C12orf56: variants seen among roughly 807,000 people sequenced by gnomAD.
C12orf56 encodes the protein chromosome 12 open reading frame 56, also known as uncharacterized protein C12orf56.
In C12orf56, 71 loss-of-function variants were observed where a neutral mutation model predicts 69.9. That is an observed-to-expected ratio of 1.02 (90% CI 0.84 to 1.24). The LOEUF is 1.24. Among genes scored for constraint, C12orf56 ranks in the 50% most tolerant of loss-of-function variants. The pLI, the probability that C12orf56 is intolerant of heterozygous loss-of-function variation, is 0.00. For missense variants in C12orf56, 732 were observed against 738.5 expected (o/e 0.99, Z 0.10); for synonymous variants, 276 against 274.1 (o/e 1.01, Z -0.07).
chr12:64,384,944 C>A (rs968611720), intron 1 of C12orf56, among the ~76,000 whole-genome samples: 6 of 151,758 alleles, frequency 4.0e-5, no homozygotes, highest in Non-Finnish European at 8.8e-5. Context: ...ATCCCAGCTA[C>A]CCGAGAGGCT....
chr12:64,318,247 C>G lies in C12orf56; in HGVS notation c.894+328G>C, dbSNP rs117050557. ...GGCTAATTTTTGTATTTTTTAGTAG[C>G]GACAAGGGTTTCACCATCTTGGCCA... is the stretch of plus-strand genomic sequence containing the variant. On this transcript the variant is annotated intron_variant, in intron 4 of 12. Transcript: ENST00000543942. 2.0e-4 allele frequency among the ~76,000 whole-genome samples: 30 copies of G among 151,954 alleles called. No individual in the cohort carries two copies. In the East Asian group the frequency reaches 5.4e-3, roughly 28 times the overall value.
intron 2 of C12orf56, among the ~76,000 whole-genome samples, chr12:64,342,656 T>C (rs1364066892): frequency 6.6e-6 from 1 of 152,214 alleles, no homozygotes; most frequent in Non-Finnish European, 1.5e-5. Flanking sequence ...ACTTTATGGC[T>C]AGATGTGTCA....
At chr12:64,338,207 A>G in intron 2 of C12orf56, 1 of 579,434 alleles carries the variant, frequency 1.7e-6, no homozygotes, top group Non-Finnish European at 3.4e-6. Context: ...TTTGCCCTGA[A>G]CAAGCCCCCC....
chr12:64,319,787 G>A (rs913764228), intron 3 of C12orf56, among the ~76,000 whole-genome samples: 9 of 152,344 alleles, frequency 5.9e-5, no homozygotes, highest in Non-Finnish European at 8.8e-5. Context: ...TCGCCTGAGA[G>A]CACAGTGGGA....
chr12:64,350,858 T>C (rs1212864515), intron 2 of C12orf56, among the ~76,000 whole-genome samples: 1 of 152,212 alleles, frequency 6.6e-6, no homozygotes, highest in East Asian at 1.9e-4. Flanking sequence ...AAAGTCTATT[T>C]TGCAAACAAC....
intron 6 of C12orf56, among the ~76,000 whole-genome samples, chr12:64,302,714 G>A (rs922481337): frequency 6.6e-6 from 1 of 152,162 alleles, no homozygotes; most frequent in Non-Finnish European, 1.5e-5. Flanking sequence ...TGAGGTGTCT[G>A]TAATTTACTG....
At chr12:64,323,750 A>G (rs1276720340) in intron 3 of C12orf56, among the ~76,000 whole-genome samples, 2 of 152,278 alleles carry the variant, frequency 1.3e-5, no homozygotes, top group Non-Finnish European at 1.5e-5. Context: ...GGCTCAAACA[A>G]TCTACCCACC....
chr12:64,289,125 G>A lies in C12orf56; in HGVS notation c.1114-3065C>T, dbSNP rs1293953172. Among the ~76,000 whole-genome samples the A allele has an allele frequency of 5.3e-5, 7 of 131,458 alleles. No individual in the cohort carries two copies. The East Asian group carries it at 1.3e-3, about 24-fold the overall frequency. The allele number at this position is 131,458 out of a possible 152,430, so 86.2% of individuals were successfully genotyped here. On this transcript the variant is annotated intron_variant, in intron 6 of 12. Coordinates refer to ENST00000543942, the MANE Select transcript of C12orf56 (RefSeq NM_001170633.2). ...CTCTTTGCAGCAATTGTGAATGGGA[G>A]TTCACTCATGATTTGGCTCTCTGTT...
rs1176502511 is a variant in C12orf56 at position 64,312,333 on chromosome 12, A to G, written c.968+346T>C. Among the ~76,000 whole-genome samples the G allele has an allele frequency of 5.3e-5, 8 of 152,174 alleles. No individual in the cohort carries two copies. The East Asian group carries it at 1.5e-3, about 29-fold the overall frequency. On this transcript the variant is annotated intron_variant, in intron 5 of 12. Coordinates refer to ENST00000543942, the MANE Select transcript of C12orf56 (RefSeq NM_001170633.2). ...TTAGGGGAGGCAAAGAGGGCCGGGC[A>G]CGGTGGCTCGCACATGCAATCCCAG...
chr12:64,270,693 C>A lies in C12orf56; in HGVS notation c.1606G>T (p.Val536Leu). 6.2e-7 allele frequency: 1 copy of A among 1,608,634 alleles called. No individual in the cohort carries two copies. Among genetic ancestry groups the A allele is most frequent in the Non-Finnish European group, 8.5e-7 (1 of 1,178,400 alleles). Residue 536 changes from valine to leucine, a missense_variant, in exon 12 of 13, where the codon GTG becomes TTG. Transcript: ENST00000543942. ...GAAAGACCCCTCACCACTTGTTTCA[C>A]AATACTGGCCACAAAAGTAATCTAG... ...PPIITFVASI[V>L]KQVVRGLSAS...
intron 1 of C12orf56, among the ~76,000 whole-genome samples, chr12:64,365,921 T>C (rs2039467576): frequency 7.5e-6 from 1 of 133,028 alleles, no homozygotes; most frequent in South Asian, 2.2e-4. Context: ...AGTGTATATA[T>C]TATATATTAT....
At chr12:64,314,812 T>G (rs895316175) in intron 4 of C12orf56, among the ~76,000 whole-genome samples, 5 of 151,488 alleles carry the variant, frequency 3.3e-5, no homozygotes, top group African/African-American at 1.2e-4. Flanking sequence ...TTTTTTCTAT[T>G]TTTTAGTAGA....
At chr12:64,374,787 G>T (rs2039619308) in intron 1 of C12orf56, among the ~76,000 whole-genome samples, 1 of 151,994 alleles carries the variant, frequency 6.6e-6, no homozygotes, top group Non-Finnish European at 1.5e-5. Context: ...CAGGTGATCT[G>T]CCTACCTTGG....
intron 2 of C12orf56, among the ~76,000 whole-genome samples, chr12:64,341,976 C>A (rs776142854): frequency 6.6e-6 from 1 of 152,178 alleles, no homozygotes; most frequent in Non-Finnish European, 1.5e-5. Context: ...ACAGGGTTGG[C>A]TGGGGAAAGA....
intron 2 of C12orf56, among the ~76,000 whole-genome samples, chr12:64,333,629 G>C (rs1039449589): frequency 9.2e-5 from 14 of 152,192 alleles, no homozygotes; most frequent in Non-Finnish European, 1.9e-4. Context: ...AGCCTCCTGA[G>C]TAGCTGGGAT....
chr12:64,316,606 C>T (rs2038694956), intron 4 of C12orf56, among the ~76,000 whole-genome samples: 1 of 152,050 alleles, frequency 6.6e-6, no homozygotes, highest in Non-Finnish European at 1.5e-5. Flanking sequence ...TAGTCTTCCT[C>T]CACCCACATT....
intron 1 of C12orf56, among the ~76,000 whole-genome samples, chr12:64,381,038 T>C (rs1565783531): frequency 6.6e-6 from 1 of 152,204 alleles, no homozygotes; most frequent in Non-Finnish European, 1.5e-5. Flanking sequence ...GAGTAATTCA[T>C]GCAGGGCCAG....
chr12:64,278,530 G>A (rs1348669933), intron 8 of C12orf56, among the ~76,000 whole-genome samples: 2 of 152,092 alleles, frequency 1.3e-5, no homozygotes, highest in African/African-American at 4.8e-5. Flanking sequence ...TGTATATACT[G>A]TAGAATGTGT....
chr12:64,332,921 T>C (rs2038950105), intron 2 of C12orf56, among the ~76,000 whole-genome samples: 1 of 152,210 alleles, frequency 6.6e-6, no homozygotes, highest in East Asian at 1.9e-4. Flanking sequence ...TCCAAAATCT[T>C]CCAACAAATT....
Sources: gnomAD v4.1 joint callset for allele counts (sites outside exome capture counted in the v4.1 genomes callset) on GRCh38, gnomAD v4.1.1 for gene constraint, MANE v1.5 for transcripts, NCBI Gene and HGNC (gene_info 2026-07-23, HGNC 2026-07-21) for gene names.